Variants in STK33 observed in about 807,000 individuals in gnomAD.
STK33 encodes the protein serine/threonine kinase 33, also known as serine/threonine-protein kinase 33.
STK33 carries 52 observed loss-of-function variants against 58.0 expected under a neutral mutation model. That is an observed-to-expected ratio of 0.90 (90% confidence interval 0.72 to 1.13). STK33 has a LOEUF of 1.13. STK33 is among the 50% of genes most tolerant of loss of function. The probability of loss-of-function intolerance (pLI) is 0.00; values close to 1 mark genes in which losing one functional copy is unlikely to be tolerated. For missense variants in STK33, 630 were observed against 604.2 expected, an observed-to-expected ratio of 1.04 and a Z score of -0.45; for synonymous variants, 215 against 200.1, an observed-to-expected ratio of 1.07 and a Z score of -0.63.
chr11:8,426,161 A>T (rs1046619684), intron 14 of STK33, among the ~76,000 whole-genome samples: 1 of 152,102 alleles, frequency 6.6e-6, no homozygotes, highest in Admixed American at 6.6e-5. Context: ...TATTGAGTGG[A>T]GGTTCTCAGC....
chr11:8,459,951 C>T (rs1369977442), intron 8 of STK33, among the ~76,000 whole-genome samples: 1 of 152,190 alleles, frequency 6.6e-6, no homozygotes, highest in African/African-American at 2.4e-5. Flanking sequence ...AGCTGTGTTC[C>T]CATGAGCTGG....
intron 2 of STK33, among the ~76,000 whole-genome samples, chr11:8,478,089 T>TTAA (rs1281833132): frequency 3.3e-5 from 5 of 152,204 alleles, no homozygotes. Context: ...ATAGAACAAA[T>TTAA]GTTTACTCAC....
chr11:8,404,822 A>C (rs1363858853), intron 15 of STK33, among the ~76,000 whole-genome samples: 2 of 152,220 alleles, frequency 1.3e-5, no homozygotes, highest in Non-Finnish European at 2.9e-5. Flanking sequence ...TTGCTGGATA[A>C]ATGGTAAATG....
At chr11:8,345,162 G>A in the STK33 span, among the ~76,000 whole-genome samples, 4 of 152,182 alleles carry the variant, frequency 2.6e-5, no homozygotes, top group African/African-American at 9.7e-5. Flanking sequence ...CATCTCCAGA[G>A]CTTCACCTGA....
chr11:8,366,733 T>C, the STK33 span, among the ~76,000 whole-genome samples: 2 of 152,232 alleles, frequency 1.3e-5, no homozygotes, highest in African/African-American at 2.4e-5. Flanking sequence ...CAGTTCCACC[T>C]TGGGGTGGCC....
At position 8,461,888 on chromosome 11, in the gene STK33, A is replaced by T. The variant is rs769880796; in HGVS notation, c.475T>A (p.Leu159Ile). Residue 159 changes from leucine (L) to isoleucine (I), a missense_variant, in exon 8 of 16, where the codon TTA becomes ATA. Leu to Ile is a conservative substitution (Grantham distance 5). Transcript: ENST00000687296. ...KEKAGSSAVK[L>I]LEREVNILKS... ...AGAATGTTCACCTCTCGTTCAAGTA[A>T]CTTCACAGCAGAGCTTCCAGCCTTA... is the stretch of plus-strand genomic sequence containing the variant. The T allele has an allele frequency of 2.4e-5, 38 of 1,596,644 alleles. No homozygotes were observed. Among genetic ancestry groups the T allele is most frequent in the Admixed American group, 3.5e-5 (2 of 56,472 alleles).
chr11:8,531,043 CTT>C (rs1407716647), intron 1 of STK33, among the ~76,000 whole-genome samples: 1 of 152,030 alleles, frequency 6.6e-6, no homozygotes, highest in Non-Finnish European at 1.5e-5. Flanking sequence ...TTAGTGCTCA[CTT>C]TTAGCAACTA....
intron 1 of STK33, among the ~76,000 whole-genome samples, chr11:8,553,203 A>ATATATATATATATATATATATATATGGTG (rs1565347661): frequency 4.1e-5 from 3 of 72,906 alleles, no homozygotes; most frequent in African/African-American, 1.4e-4. Context: ...TATATGGTGT[A>ATATATATATATATATATATATATATGGTG]TATATATATA....
At chr11:8,455,499 A>G (rs1946736455) in intron 9 of STK33, among the ~76,000 whole-genome samples, 1 of 152,094 alleles carries the variant, frequency 6.6e-6, no homozygotes, top group South Asian at 2.1e-4. Flanking sequence ...CATTGCAAAC[A>G]TTTCCCTAGA....
At chr11:8,471,084 T>C (rs758183118) in intron 6 of STK33, among the ~76,000 whole-genome samples, 1 of 152,230 alleles carries the variant, frequency 6.6e-6, no homozygotes, top group Non-Finnish European at 1.5e-5. Context: ...AGTATGCCTA[T>C]ATTTTGTAAA....
rs190996190 is a variant in STK33, at chr11:8,462,241, T to C, written c.454-332A>G. On this transcript the variant is annotated intron_variant, in intron 7 of 15. Coordinates refer to ENST00000687296, the MANE Select transcript of STK33 (RefSeq NM_001352389.2). The stretch of plus-strand genomic sequence containing the variant: ...CTATGAAAATTACTCCAACTTTTAA[T>C]AGGCTTTTTGATATTTCCTTTAAAA... Among the ~76,000 whole-genome samples, 392 of 152,176 alleles carry C rather than the reference T, an allele frequency of 2.6e-3. 1 individual carries two copies. The highest frequency in any genetic ancestry group is 2.6e-3 in the Non-Finnish European group (180 of 68,016).
At chr11:8,395,969 A>T (rs1258840433) in intron 15 of STK33, among the ~76,000 whole-genome samples, 1 of 152,206 alleles carries the variant, frequency 6.6e-6, no homozygotes, top group Non-Finnish European at 1.5e-5. Flanking sequence ...TACATGTTAA[A>T]ACTAATACAG....
intron 4 of STK33, among the ~76,000 whole-genome samples, chr11:8,476,094 G>C (rs1325490097): frequency 6.6e-6 from 1 of 152,122 alleles, no homozygotes; most frequent in African/African-American, 2.4e-5. Context: ...ATTGCTAGTA[G>C]TTTACCTAAA....
At chr11:8,374,472 G>A in the STK33 span, among the ~76,000 whole-genome samples, 1 of 152,206 alleles carries the variant, frequency 6.6e-6, no homozygotes, top group East Asian at 1.9e-4. Context: ...TTTCTAGTGA[G>A]GGCTCTCTTC....
In STK33 at chr11:8,474,760, C is replaced by G; in HGVS notation, c.146G>C (p.Gly49Ala). 1 of 1,613,146 alleles carries G rather than the reference C, an allele frequency of 6.2e-7. No homozygotes were observed. The highest frequency in any genetic ancestry group is 1.1e-5 in the South Asian group (1 of 90,832). Residue 49 changes from glycine (G) to alanine (A), a missense_variant, in exon 5 of 16, where the codon GGT (glycine) becomes GCT (alanine). Gly to Ala is a moderately conservative substitution (Grantham distance 60). Transcript: ENST00000687296. ...CAGTGAAATTAAAGATTCTGCACTA[C>G]CAATGCTTGATGTCTGTGACATTTC... ...VVEMSQTSSI[G>A]SAESLISLER...
At chr11:8,554,205 G>A (rs984347296) in intron 1 of STK33, among the ~76,000 whole-genome samples, 1 of 151,910 alleles carries the variant, frequency 6.6e-6, no homozygotes, top group African/African-American at 2.4e-5. Flanking sequence ...GGACTACGAG[G>A]TCAGGAGATC....
At chr11:8,394,107 C>T (rs1033039338) in intron 15 of STK33, among the ~76,000 whole-genome samples, 5 of 152,078 alleles carry the variant, frequency 3.3e-5, no homozygotes, top group African/African-American at 1.2e-4. Flanking sequence ...CCTAAGCAAA[C>T]TTCTGGGTTA....
intron 1 of STK33, among the ~76,000 whole-genome samples, chr11:8,521,098 T>C (rs2139818582): frequency 6.6e-6 from 1 of 151,892 alleles, no homozygotes; most frequent in Middle Eastern, 3.4e-3. Context: ...AAGCTACCAA[T>C]GACTTTCTTC....
intron 14 of STK33, among the ~76,000 whole-genome samples, chr11:8,430,139 C>T (rs1943246213): frequency 6.6e-6 from 1 of 152,164 alleles, no homozygotes; most frequent in African/African-American, 2.4e-5. Flanking sequence ...CAAAATAGCT[C>T]TAACCTTCCT....
Sources: gnomAD v4.1 joint callset for allele counts (sites outside exome capture counted in the v4.1 genomes callset) on GRCh38, gnomAD v4.1.1 for gene constraint, MANE v1.5 for transcripts, NCBI Gene and HGNC (gene_info 2026-07-23, HGNC 2026-07-21) for gene names.